MYO5A: variants seen among roughly 807,000 people sequenced by gnomAD.
MYO5A encodes the protein unconventional myosin-Va.
MYO5A carries 98 observed loss-of-function variants against 249.7 expected under a neutral mutation model. That is an observed-to-expected ratio of 0.39 (90% CI 0.33 to 0.46). The LOEUF (loss-of-function observed/expected upper bound fraction) is 0.46, where lower values mean the gene tolerates loss of function less well. MYO5A is among the 20% of genes least tolerant of loss of function. The probability of loss-of-function intolerance (pLI) is 0.98; values close to 1 mark genes in which losing one functional copy is unlikely to be tolerated. For synonymous variants in MYO5A, 778 were observed against 810.6 expected (o/e 0.96, Z 0.68); for missense variants, 1,696 against 2,308.8 (o/e 0.73, Z 5.44).
intron 1 of MYO5A, chr15:52,435,619 T>C (rs2075645999): frequency 6.6e-6 from 3 of 454,094 alleles, no homozygotes; most frequent in Non-Finnish European, 1.3e-5. Flanking sequence ...AGCCTTCCTA[T>C]TGGGAAGCTG....
rs2414142 is a variant in MYO5A at position 52,369,441 on chromosome 15, C to T, written c.3066+728G>A. Among the ~76,000 whole-genome samples, 67 of 152,312 alleles carry T rather than the reference C, an allele frequency of 4.4e-4. 1 individual carries two copies. In the East Asian group the frequency reaches 7.1e-3, roughly 16 times the overall value. ...GTACATCTCATTACTACTTGACAAT[C>T]TTAATGTCTTCTATACTTAATAAAG... On this transcript the variant is annotated intron_variant, in intron 22 of 41. Coordinates refer to ENST00000399233, the MANE Select transcript of MYO5A (RefSeq NM_001382347.1).
intron 34 of MYO5A, among the ~76,000 whole-genome samples, chr15:52,335,536 A>G (rs988486949): frequency 2.0e-5 from 3 of 151,052 alleles, no homozygotes; most frequent in African/African-American, 7.3e-5. Context: ...AAAAAAAAAA[A>G]AAAAAGGAGT....
At chr15:52,438,582 G>C (rs2075717064) in intron 1 of MYO5A, among the ~76,000 whole-genome samples, 1 of 152,156 alleles carries the variant, frequency 6.6e-6, no homozygotes, top group Non-Finnish European at 1.5e-5. Context: ...TAAAGATGGG[G>C]CTTGCAACTT....
chr15:52,446,684 GCCCTAGGGGCTGAACCCTA>G (rs2075897918), intron 1 of MYO5A, among the ~76,000 whole-genome samples: 1 of 152,188 alleles, frequency 6.6e-6, no homozygotes, highest in South Asian at 2.1e-4. Flanking sequence ...CATAAGAACA[GCCCTAGGGGCTGAACCCTA>G]CAAAGCCACA....
Position 52,314,146 on chromosome 15 carries a change from C to A in MYO5A, c.5467G>T (p.Val1823Leu). ...ACCTGTATAGTACGAATGAACGACA[C>A]AGAGACTCTTTCTTCAAACTCATTA... ...PVNEFEERVS[V>L]SFIRTIQMRL... Residue 1823 changes from valine to leucine, a missense_variant, in exon 41 of 42, where the codon GTG (valine) becomes TTG (leucine). Physicochemically the swap from Val to Leu is conservative, Grantham distance 32. Coordinates refer to ENST00000399233, the MANE Select transcript of MYO5A (RefSeq NM_001382347.1). 1 of 1,611,276 alleles carries A rather than the reference C, an allele frequency of 6.2e-7. No homozygotes were observed. The highest frequency in any genetic ancestry group is 1.1e-5 in the South Asian group (1 of 91,002).
At chr15:52,343,702 T>C (rs1216472394) in intron 30 of MYO5A, among the ~76,000 whole-genome samples, 1 of 152,218 alleles carries the variant, frequency 6.6e-6, no homozygotes, top group East Asian at 1.9e-4. Flanking sequence ...AAAATTCTTA[T>C]AGCAGTAACA....
chr15:52,359,251 C>A lies in MYO5A; in HGVS notation c.3423+717G>T, dbSNP rs908897113. On this transcript the variant is annotated intron_variant, in intron 25 of 41. Transcript: ENST00000399233. Reference sequence around the variant, plus strand: ...AGTCTATTTCTGATTTGGCCATTTTCAAAAAATATAATATAAAAATAGGAC... The same window carrying A: ...AGTCTATTTCTGATTTGGCCATTTTAAAAAAATATAATATAAAAATAGGAC... Among the ~76,000 whole-genome samples the A allele has an allele frequency of 1.2e-4, 18 of 152,202 alleles. No individual in the cohort carries two copies. In the East Asian group the frequency reaches 3.5e-3, roughly 29 times the overall value.
chr15:52,335,497 C>A (rs1406789775), intron 34 of MYO5A, among the ~76,000 whole-genome samples: 1 of 109,586 alleles, frequency 9.1e-6, no homozygotes, highest in African/African-American at 3.6e-5. Flanking sequence ...GCCTCAGCGA[C>A]AGAGCAAGAC....
chr15:52,506,590 A>C (rs909959343), intron 1 of MYO5A, among the ~76,000 whole-genome samples: 1 of 151,756 alleles, frequency 6.6e-6, no homozygotes, highest in Non-Finnish European at 1.5e-5. Flanking sequence ...GTAATCCAGC[A>C]ATTTGGGAGG....
chr15:52,435,521 C>G, intron 1 of MYO5A: 1 of 388,510 alleles, frequency 2.6e-6, no homozygotes, highest in South Asian at 1.9e-5. Flanking sequence ...TCATGATCCA[C>G]CCGCCTTGGC....
At chr15:52,510,616 C>T (rs964775261) in intron 1 of MYO5A, among the ~76,000 whole-genome samples, 1 of 151,912 alleles carries the variant, frequency 6.6e-6, no homozygotes, top group Non-Finnish European at 1.5e-5. Context: ...GAGCATGAAC[C>T]CTATTATGAA....
intron 1 of MYO5A, among the ~76,000 whole-genome samples, chr15:52,479,837 T>C (rs887943607): frequency 3.9e-5 from 6 of 152,238 alleles, no homozygotes; most frequent in Non-Finnish European, 7.3e-5. Flanking sequence ...ACACCTCTCT[T>C]AGACCTCTCT....
intron 32 of MYO5A, among the ~76,000 whole-genome samples, chr15:52,338,745 C>T (rs1266217384): frequency 6.6e-6 from 1 of 151,892 alleles, no homozygotes; most frequent in Non-Finnish European, 1.5e-5. Context: ...TGAAAAATTG[C>T]CAAAAAAATT....
chr15:52,469,477 G>C (rs950216645), intron 1 of MYO5A, among the ~76,000 whole-genome samples: 1 of 152,176 alleles, frequency 6.6e-6, no homozygotes, highest in African/African-American at 2.4e-5. Flanking sequence ...TACTGAGTAG[G>C]CTGAGGAGGA....
intron 22 of MYO5A, among the ~76,000 whole-genome samples, chr15:52,368,577 T>C (rs1408007257): frequency 6.6e-6 from 1 of 152,148 alleles, no homozygotes; most frequent in Non-Finnish European, 1.5e-5. Context: ...CAGTGAAATG[T>C]TTTCATTCTT....
At chr15:52,505,218 C>T (rs183373393) in intron 1 of MYO5A, 5 of 772,434 alleles carry the variant, frequency 6.5e-6, no homozygotes, top group East Asian at 4.9e-5. Context: ...AAAGCCCCGC[C>T]GGCCTCCAGG....
At chr15:52,321,964 G>T (rs2140932190) in intron 37 of MYO5A, among the ~76,000 whole-genome samples, 1 of 152,218 alleles carries the variant, frequency 6.6e-6, no homozygotes, top group Non-Finnish European at 1.5e-5. Context: ...TTTCTACAGA[G>T]ACTAGTGAAT....
intron 30 of MYO5A, among the ~76,000 whole-genome samples, chr15:52,345,584 CAAA>C (rs71923501): frequency 1.1e-5 from 1 of 92,624 alleles, no homozygotes; most frequent in African/African-American, 3.3e-5. Flanking sequence ...AACTCCATTT[CAAA>C]AAAAAAAAAA....
At chr15:52,429,401 A>G (rs2075471094) in intron 2 of MYO5A, among the ~76,000 whole-genome samples, 1 of 152,048 alleles carries the variant, frequency 6.6e-6, no homozygotes, top group Admixed American at 6.6e-5. Flanking sequence ...TAAAAATACA[A>G]AAATTGGCCA....
Sources: gnomAD v4.1 joint callset for allele counts (sites outside exome capture counted in the v4.1 genomes callset) on GRCh38, gnomAD v4.1.1 for gene constraint, MANE v1.5 for transcripts, NCBI Gene and HGNC (gene_info 2026-07-23, HGNC 2026-07-21) for gene names.